Variants in ZNG1E observed in about 807,000 individuals in gnomAD.
The protein encoded by ZNG1E is Zn regulated GTPase metalloprotein activator 1E, also known as zinc-regulated GTPase metalloprotein activator 1E.
the ZNG1E span, among the ~76,000 whole-genome samples, chr9:65,691,433 A>G: frequency 2.0e-5 from 3 of 151,848 alleles, no homozygotes; most frequent in Non-Finnish European, 4.4e-5. Flanking sequence ...TTGTTCATTC[A>G]TGTTATAACT....
At chr9:65,704,924 A>AC in the ZNG1E span, 3 of 136,928 alleles carry the variant, frequency 2.2e-5, no homozygotes, top group South Asian at 2.3e-4. Context: ...AAAAAAAAAA[A>AC]AACAAACAAA....
the ZNG1E span, chr9:65,681,887 T>A: frequency 9.3e-7 from 1 of 1,079,088 alleles, no homozygotes; most frequent in Non-Finnish European, 1.3e-6. Context: ...ATTGAGTTTT[T>A]ATTGCTTTTG....
At chr9:65,661,986 T>A in the ZNG1E span, among the ~76,000 whole-genome samples, 4 of 152,350 alleles carry the variant, frequency 2.6e-5, no homozygotes, top group East Asian at 5.8e-4. Context: ...GACATTTACA[T>A]AGTTTCAAAG....
chr9:65,665,386 G>T, the ZNG1E span, among the ~76,000 whole-genome samples: 1 of 152,268 alleles, frequency 6.6e-6, no homozygotes, highest in Non-Finnish European at 1.5e-5. Flanking sequence ...GAGGGTGCAA[G>T]CCCCAAGCCT....
At chr9:65,675,735 G>A in the ZNG1E span, 296 of 744,556 alleles carry the variant, frequency 4.0e-4, 2 homozygotes, top group East Asian at 7.6e-3. Context: ...CAGGTTCACA[G>A]AACACGCCCA....
At chr9:65,705,375 A>G in the ZNG1E span, among the ~76,000 whole-genome samples, 1 of 151,930 alleles carries the variant, frequency 6.6e-6, no homozygotes, top group Non-Finnish European at 1.5e-5. Flanking sequence ...TATATAAGCA[A>G]TGGATAAGGC....
the ZNG1E span, among the ~76,000 whole-genome samples, chr9:65,686,897 A>G: frequency 6.6e-6 from 1 of 152,246 alleles, no homozygotes; most frequent in East Asian, 1.9e-4. Flanking sequence ...GTTGCTCTGA[A>G]TTAGGCTTTG....
At chr9:65,665,324 C>A in the ZNG1E span, among the ~76,000 whole-genome samples, 1 of 152,260 alleles carries the variant, frequency 6.6e-6, no homozygotes, top group Non-Finnish European at 1.5e-5. Flanking sequence ...TCATACCCTG[C>A]ATCCCAGCCA....
the ZNG1E span, among the ~76,000 whole-genome samples, chr9:65,721,847 G>A: frequency 6.7e-6 from 1 of 150,352 alleles, no homozygotes; most frequent in Non-Finnish European, 1.5e-5. Context: ...AAAGGGCTAT[G>A]GGATTCAGAG....
the ZNG1E span, among the ~76,000 whole-genome samples, chr9:65,688,057 T>C: frequency 6.6e-6 from 1 of 151,788 alleles, no homozygotes; most frequent in South Asian, 2.1e-4. Context: ...CTAATTGCTT[T>C]GATGTGTCTT....
the ZNG1E span, among the ~76,000 whole-genome samples, chr9:65,684,852 AGAGT>A: frequency 6.6e-6 from 1 of 152,202 alleles, no homozygotes; most frequent in Non-Finnish European, 1.5e-5. Flanking sequence ...ATATCACAAT[AGAGT>A]GAGTCACACA....
At chr9:65,676,141 AT>A in the ZNG1E span, 1 of 1,566,606 alleles carries the variant, frequency 6.4e-7, no homozygotes. Context: ...GTAACTAACC[AT>A]CCCAGTCACA....
the ZNG1E span, among the ~76,000 whole-genome samples, chr9:65,671,959 C>A: frequency 1.5e-5 from 2 of 137,640 alleles, no homozygotes; most frequent in African/African-American, 2.8e-5. Flanking sequence ...TACACAATGT[C>A]CTCAAATTTG....
chr9:65,678,065 C>T, the ZNG1E span, among the ~76,000 whole-genome samples: 2,449 of 150,334 alleles, frequency 0.016, 4 homozygotes, highest in African/African-American at 0.056. Context: ...GTATTAGAAA[C>T]CTTTGAATGA....
At chr9:65,662,612 TG>T in the ZNG1E span, among the ~76,000 whole-genome samples, 2 of 151,728 alleles carry the variant, frequency 1.3e-5, no homozygotes, top group African/African-American at 4.8e-5. Flanking sequence ...AAAACGGCAA[TG>T]GATTAATAAC....
chr9:65,687,897 C>T, the ZNG1E span, among the ~76,000 whole-genome samples: 4 of 150,684 alleles, frequency 2.7e-5, no homozygotes, highest in East Asian at 7.8e-4. Context: ...AATCATTTTT[C>T]CCTAAATTAT....
At chr9:65,675,989 G>C in the ZNG1E span, 1 of 1,609,446 alleles carries the variant, frequency 6.2e-7, no homozygotes, top group East Asian at 2.2e-5. Context: ...GTTACCGGCT[G>C]TTGGATCTGT....
chr9:65,677,878 T>G, the ZNG1E span, among the ~76,000 whole-genome samples: 1 of 151,490 alleles, frequency 6.6e-6, no homozygotes, highest in African/African-American at 2.4e-5. Flanking sequence ...GATGTCCCTC[T>G]TAGGTTCTCC....
the ZNG1E span, among the ~76,000 whole-genome samples, chr9:65,710,608 C>G: frequency 7.2e-3 from 1,080 of 150,300 alleles, no homozygotes; most frequent in East Asian, 0.037. Context: ...TTATTAAATA[C>G]GGAATCCTTT....
Sources: gnomAD v4.1 joint callset for allele counts (sites outside exome capture counted in the v4.1 genomes callset) on GRCh38, gnomAD v4.1.1 for gene constraint, MANE v1.5 for transcripts, NCBI Gene and HGNC (gene_info 2026-07-23, HGNC 2026-07-21) for gene names.